The following MDGA2 variants were observed in gnomAD, a reference collection of about 807,000 sequenced individuals.
The protein encoded by MDGA2 is MAM domain-containing glycosylphosphatidylinositol anchor protein 2.
Under a neutral mutation model 117.8 loss-of-function variants are expected in MDGA2, and 40 were observed. That is an observed-to-expected ratio of 0.34 (90% CI 0.26 to 0.44). MDGA2 has a LOEUF of 0.44. MDGA2 is among the 20% of genes least tolerant of loss of function. The pLI, the probability that MDGA2 is intolerant of heterozygous loss-of-function variation, is 1.00. For missense variants in MDGA2, 1,123 were observed against 1,250.6 expected (o/e 0.90, Z 1.54); for synonymous variants, 452 against 439.0 (o/e 1.03, Z -0.37).
chr14:47,557,833 T>C (rs969694529), intron 1 of MDGA2, among the ~76,000 whole-genome samples: 2 of 152,186 alleles, frequency 1.3e-5, no homozygotes, highest in African/African-American at 2.4e-5. Context: ...TTAACAAACA[T>C]TTGATTTGGC....
At chr14:47,038,088 C>T (rs1888922256) in intron 7 of MDGA2, among the ~76,000 whole-genome samples, 1 of 152,086 alleles carries the variant, frequency 6.6e-6, no homozygotes, top group African/African-American at 2.4e-5. Flanking sequence ...CACCACCACA[C>T]CCAGCTAATT....
At chr14:46,886,196 T>C (rs1180186844) in intron 10 of MDGA2, among the ~76,000 whole-genome samples, 1 of 152,066 alleles carries the variant, frequency 6.6e-6, no homozygotes, top group Non-Finnish European at 1.5e-5. Flanking sequence ...TGAGAACAGA[T>C]AAATTCTTAT....
intron 1 of MDGA2, among the ~76,000 whole-genome samples, chr14:47,415,708 A>G (rs1892461841): frequency 6.6e-6 from 1 of 152,168 alleles, no homozygotes; most frequent in Non-Finnish European, 1.5e-5. Context: ...GTTATTTATA[A>G]AGAACAACAA....
rs150832744 is a variant in MDGA2 at position 46,910,820 on chromosome 14, C to T, written c.2238+9192G>A. On this transcript the variant is annotated intron_variant, in intron 10 of 16. Transcript: ENST00000399232. ...AAGGAATGCTACGCAGCCATAAAAA[C>T]GAATGCAATTATATCCTTTGCGGGG... Among the ~76,000 whole-genome samples, 48 of 152,192 alleles carry T rather than the reference C, an allele frequency of 3.2e-4. No homozygotes were observed. The East Asian group carries it at 6.8e-3, about 21-fold the overall frequency.
At chr14:47,613,189 T>C (rs1298876183) in intron 1 of MDGA2, among the ~76,000 whole-genome samples, 1 of 152,134 alleles carries the variant, frequency 6.6e-6, no homozygotes, top group East Asian at 1.9e-4. Flanking sequence ...AGGGTATAAA[T>C]AATTTCCCTG....
At chr14:47,138,342 AATT>A (rs1333151285) in intron 4 of MDGA2, among the ~76,000 whole-genome samples, 1 of 152,128 alleles carries the variant, frequency 6.6e-6, no homozygotes, top group Non-Finnish European at 1.5e-5. Flanking sequence ...TAATTAGACT[AATT>A]ATAACTAATT....
chr14:47,101,106 T>C (rs553195084), intron 5 of MDGA2, among the ~76,000 whole-genome samples: 4 of 131,862 alleles, frequency 3.0e-5, no homozygotes, highest in Admixed American at 1.5e-4. Context: ...GATAGATAGA[T>C]AGATAGATAG....
intron 1 of MDGA2, among the ~76,000 whole-genome samples, chr14:47,655,267 A>G (rs1367711430): frequency 6.6e-6 from 1 of 152,146 alleles, no homozygotes; most frequent in Admixed American, 6.6e-5. Flanking sequence ...GATCTAGCAA[A>G]AACACTGTTA....
At chr14:47,338,907 TAC>T (rs1890538556) in intron 1 of MDGA2, among the ~76,000 whole-genome samples, 1 of 152,162 alleles carries the variant, frequency 6.6e-6, no homozygotes, top group Non-Finnish European at 1.5e-5. Context: ...TCATATGATG[TAC>T]AGTCCTTTCT....
At chr14:47,008,839 C>T (rs992006533) in intron 8 of MDGA2, among the ~76,000 whole-genome samples, 4 of 151,874 alleles carry the variant, frequency 2.6e-5, no homozygotes, top group African/African-American at 7.2e-5. Flanking sequence ...AATATTTATG[C>T]TATTTAAAAA....
In MDGA2 at chr14:47,256,972, A is replaced by T. The variant is rs146628306; in HGVS notation, c.421-38777T>A. ...AAGAAAGGGAAAGAAAAAAAGAGAA[A>T]AGAGGGGGGACAAGATGAAAAAGGA... On this transcript the variant is annotated intron_variant, in intron 2 of 16. Coordinates refer to ENST00000399232, the MANE Select transcript of MDGA2 (RefSeq NM_001113498.3). Among the ~76,000 whole-genome samples, 525 of 151,654 alleles carry T rather than the reference A, an allele frequency of 3.5e-3. 1 individual carries two copies. Among genetic ancestry groups the T allele is most frequent in the Non-Finnish European group, 5.7e-3 (389 of 67,890 alleles).
At chr14:47,182,631 C>T (rs1344931371) in intron 3 of MDGA2, among the ~76,000 whole-genome samples, 2 of 152,192 alleles carry the variant, frequency 1.3e-5, no homozygotes, top group Non-Finnish European at 2.9e-5. Flanking sequence ...TATACCCAGT[C>T]TGCAGTATTG....
chr14:47,471,432 G>C (rs1271975721), intron 1 of MDGA2, among the ~76,000 whole-genome samples: 1 of 152,018 alleles, frequency 6.6e-6, no homozygotes, highest in African/African-American at 2.4e-5. Flanking sequence ...AAATCAAAAC[G>C]TGGAAGAAAA....
chr14:47,036,943 TCAC>T (rs1888877172), intron 7 of MDGA2, among the ~76,000 whole-genome samples: 1 of 152,214 alleles, frequency 6.6e-6, no homozygotes, highest in Non-Finnish European at 1.5e-5. Flanking sequence ...TATGAACTAT[TCAC>T]CACCACCATT....
intron 5 of MDGA2, among the ~76,000 whole-genome samples, chr14:47,108,481 C>G (rs1186353104): frequency 2.0e-5 from 3 of 152,164 alleles, no homozygotes; most frequent in African/African-American, 7.2e-5. Context: ...CCGGTCCTTG[C>G]CTTAACTGAT....
chr14:47,540,304 T>C (rs893380431), intron 1 of MDGA2, among the ~76,000 whole-genome samples: 5 of 151,922 alleles, frequency 3.3e-5, no homozygotes, highest in Non-Finnish European at 5.9e-5. Context: ...TGGGCCACCG[T>C]GCCCGGCCCA....
At chr14:46,854,104 T>C (rs1296957368) in intron 15 of MDGA2, among the ~76,000 whole-genome samples, 4 of 151,712 alleles carry the variant, frequency 2.6e-5, no homozygotes, top group South Asian at 2.1e-4. Flanking sequence ...TTAGAATTTA[T>C]AGATTAGATT....
chr14:47,126,775 G>A (rs7152365), intron 5 of MDGA2, among the ~76,000 whole-genome samples: 50,124 of 151,994 alleles, frequency 0.33, 8,749 homozygotes, highest in African/African-American at 0.45. Flanking sequence ...CATCTGCCAG[G>A]AAGTCTAGTT....
chr14:47,529,645 C>T (rs147826191), intron 1 of MDGA2, among the ~76,000 whole-genome samples: 1 of 152,180 alleles, frequency 6.6e-6, no homozygotes, highest in East Asian at 1.9e-4. Context: ...GAACTCTACT[C>T]CAGCATTCTG....
Sources: allele counts gnomAD v4.1 joint callset (sites outside exome capture counted in the v4.1 genomes callset), GRCh38; gene constraint gnomAD v4.1.1; transcripts MANE v1.5; gene names NCBI Gene and HGNC (gene_info 2026-07-23, HGNC 2026-07-21).